RBFOX1: variants seen among roughly 807,000 people sequenced by gnomAD.
RBFOX1 encodes the protein RNA binding fox-1 homolog 1.
Under a neutral mutation model 57.7 loss-of-function variants are expected in RBFOX1, and 8 were observed. The ratio of observed to expected loss-of-function variants is 0.14; its 90% CI spans 0.08 to 0.25. RBFOX1 has a LOEUF of 0.25. Ranked by LOEUF, RBFOX1 falls within the 10% of genes least tolerant of loss-of-function variation. The pLI is 1.00. For missense variants in RBFOX1, 611 were observed against 548.5 expected, an observed-to-expected ratio of 1.11 and a Z score of -1.14; for synonymous variants, 326 against 222.4, an observed-to-expected ratio of 1.47 and a Z score of -4.15.
chr16:5,764,242 C>G (rs189055238), intron 3 of RBFOX1, among the ~76,000 whole-genome samples: 1 of 152,288 alleles, frequency 6.6e-6, no homozygotes, highest in African/African-American at 2.4e-5. Context: ...ATGGGCTGTT[C>G]TTAAGTTATT....
chr16:5,967,585 A>G (rs965957949), intron 4 of RBFOX1, among the ~76,000 whole-genome samples: 1 of 152,180 alleles, frequency 6.6e-6, no homozygotes, highest in Non-Finnish European at 1.5e-5. Context: ...ACAATTTTAA[A>G]AGGATAAAAT....
intron 1 of RBFOX1, among the ~76,000 whole-genome samples, chr16:5,430,148 A>G (rs1054111045): frequency 2.0e-5 from 3 of 152,218 alleles, no homozygotes; most frequent in African/African-American, 7.2e-5. Flanking sequence ...GAAGGGAAGC[A>G]GGAAAAAGTC....
rs1196897656 is a variant in RBFOX1, at chr16:5,422,489, GGGAGGAGGTGAGTAAA to G, written c.220-44714_220-44699del. On this transcript the variant is annotated intron_variant, in intron 1 of 2. Coordinates refer to the RBFOX1 transcript ENST00000585867. Reference sequence around the variant, plus strand: ...GAGGGGGAAGAAAGGAGGAGGGAGCGGGAGGAGGTGAGTAAAGGAGGAGGTGAGGAAAGGAGGAAGG... The same window carrying G: ...GAGGGGGAAGAAAGGAGGAGGGAGCGGGAGGAGGTGAGGAAAGGAGGAAGG... Among the ~76,000 whole-genome samples the G allele has an allele frequency of 3.3e-3, 381 of 115,906 alleles. 3 individuals are homozygous for G. The highest frequency in any genetic ancestry group is 3.8e-3 in the African/African-American group (110 of 29,070). 76.0% of individuals were successfully genotyped at this position (115,906 alleles called of 152,430 possible).
chr16:5,470,874 G>A (rs1474999174), intron 2 of RBFOX1, among the ~76,000 whole-genome samples: 3 of 151,972 alleles, frequency 2.0e-5, no homozygotes, highest in African/African-American at 4.8e-5. Context: ...TTTCTGAGAC[G>A]GAGTTTCGCT....
chr16:6,657,590 G>A (rs1380748979), intron 3 of RBFOX1, among the ~76,000 whole-genome samples: 1 of 152,170 alleles, frequency 6.6e-6, no homozygotes, highest in Non-Finnish European at 1.5e-5. Context: ...TTTCACCACT[G>A]GAGTGATGAC....
intron 2 of RBFOX1, among the ~76,000 whole-genome samples, chr16:5,589,848 C>T (rs1011207012): frequency 6.6e-6 from 1 of 152,178 alleles, no homozygotes; most frequent in Non-Finnish European, 1.5e-5. Flanking sequence ...TCTCCTTCCA[C>T]TCCACTGCCT....
intron 2 of RBFOX1, among the ~76,000 whole-genome samples, chr16:6,547,045 A>G (rs951949919): frequency 2.0e-5 from 3 of 152,206 alleles, no homozygotes; most frequent in Non-Finnish European, 2.9e-5. Flanking sequence ...GAGCATGCGT[A>G]TTATTACTAG....
At chr16:7,253,198 A>G (rs1310032997) in intron 4 of RBFOX1, among the ~76,000 whole-genome samples, 2 of 152,204 alleles carry the variant, frequency 1.3e-5, no homozygotes, top group African/African-American at 4.8e-5. Flanking sequence ...AGCAGAGACC[A>G]AGACAAAAGA....
At chr16:6,981,897 G>C (rs886489175) in intron 3 of RBFOX1, among the ~76,000 whole-genome samples, 1 of 152,194 alleles carries the variant, frequency 6.6e-6, no homozygotes, top group African/African-American at 2.4e-5. Context: ...TGGCTATTGT[G>C]AATAGTGCTG....
intron 1 of RBFOX1, among the ~76,000 whole-genome samples, chr16:5,261,429 T>C (rs1455983819): frequency 1.3e-5 from 2 of 152,186 alleles, no homozygotes; most frequent in Non-Finnish European, 2.9e-5. Flanking sequence ...GAACATGTGA[T>C]AGTGTCTTTT....
rs191268097 is a variant in RBFOX1 at position 7,046,298 on chromosome 16, C to G, written c.-15-5759C>G. Among the ~76,000 whole-genome samples, 28 of 151,044 alleles carry G rather than the reference C, an allele frequency of 1.9e-4. No homozygotes were observed. In the East Asian group the frequency reaches 4.5e-3, roughly 24 times the overall value. ...TCCAGTTACTCTATCATTATTTGTTCTGGATGTTTCACTTTTTTCGGTTTT... is the reference window on the plus strand; with the variant it reads ...TCCAGTTACTCTATCATTATTTGTTGTGGATGTTTCACTTTTTTCGGTTTT... On this transcript the variant is annotated intron_variant, in intron 3 of 15. Coordinates refer to ENST00000550418, the MANE Select transcript of RBFOX1 (RefSeq NM_018723.4).
intron 1 of RBFOX1, among the ~76,000 whole-genome samples, chr16:6,306,115 T>G (rs1242139907): frequency 4.6e-5 from 7 of 152,216 alleles, no homozygotes; most frequent in African/African-American, 7.2e-5. Flanking sequence ...AAACCCTCCA[T>G]GTCTGAGTCC....
chr16:7,500,026 C>T (rs1483800763), intron 4 of RBFOX1, among the ~76,000 whole-genome samples: 2 of 152,170 alleles, frequency 1.3e-5, no homozygotes, highest in Admixed American at 6.6e-5. Flanking sequence ...ACCTCTTCTT[C>T]CTCAAGTCAG....
chr16:7,175,279 T>G (rs2081430381), intron 4 of RBFOX1, among the ~76,000 whole-genome samples: 1 of 152,156 alleles, frequency 6.6e-6, no homozygotes, highest in Non-Finnish European at 1.5e-5. Flanking sequence ...AGCTCCCACT[T>G]ATAAGTGAGA....
intron 3 of RBFOX1, among the ~76,000 whole-genome samples, chr16:6,987,230 C>T (rs1296421683): frequency 1.3e-5 from 2 of 152,082 alleles, no homozygotes; most frequent in South Asian, 2.1e-4. Flanking sequence ...AAAACTTTGG[C>T]CCTGGTTATG....
At chr16:6,563,814 G>A (rs1284691226) in intron 2 of RBFOX1, among the ~76,000 whole-genome samples, 1 of 151,356 alleles carries the variant, frequency 6.6e-6, no homozygotes, top group African/African-American at 2.4e-5. Flanking sequence ...AGACACAGTG[G>A]GATCCTGTCT....
intron 4 of RBFOX1, among the ~76,000 whole-genome samples, chr16:7,083,595 G>A (rs755102224): frequency 1.3e-5 from 2 of 152,138 alleles, no homozygotes; most frequent in Non-Finnish European, 2.9e-5. Flanking sequence ...AACTCAGTCT[G>A]CTAACTCAGA....
At chr16:5,460,144 G>T (rs570139420) in intron 1 of RBFOX1, among the ~76,000 whole-genome samples, 1 of 152,052 alleles carries the variant, frequency 6.6e-6, no homozygotes, top group Admixed American at 6.5e-5. Context: ...GTGTAAAGTC[G>T]GCACAATGCC....
intron 4 of RBFOX1, among the ~76,000 whole-genome samples, chr16:7,306,325 G>T (rs1291858002): frequency 6.6e-6 from 1 of 152,154 alleles, no homozygotes; most frequent in Admixed American, 6.6e-5. Context: ...AAGGTTCTCA[G>T]CATCTTCCAG....
Sources: allele counts gnomAD v4.1 joint callset (sites outside exome capture counted in the v4.1 genomes callset), GRCh38; gene constraint gnomAD v4.1.1; transcripts MANE v1.5; gene names NCBI Gene and HGNC (gene_info 2026-07-23, HGNC 2026-07-21).